Variants in PTPRD observed in about 807,000 individuals in gnomAD.
PTPRD encodes protein tyrosine phosphatase receptor type D.
PTPRD carries 34 observed loss-of-function variants against 214.5 expected under a neutral mutation model. The observed-to-expected ratio is 0.16, with a 90% CI of 0.12 to 0.21. The LOEUF (loss-of-function observed/expected upper bound fraction) is 0.21. Among genes scored for constraint, PTPRD ranks in the 10% least tolerant of loss-of-function variants. The pLI is 1.00. For missense variants in PTPRD, 2,545 were observed against 2,398.7 expected (o/e 1.06, Z -1.27); for synonymous variants, 1,128 against 845.7 (o/e 1.33, Z -5.79).
At chr9:9,030,276 CTTTTTTTTTTTT>C (rs71317396) in intron 10 of PTPRD, among the ~76,000 whole-genome samples, 1,747 of 37,958 alleles carry the variant, frequency 0.046, 70 homozygotes, top group African/African-American at 0.18. Context: ...CACACTTGGG[CTTTTTTTTTTTT>C]TTTTTTTTTT....
intron 2 of PTPRD, among the ~76,000 whole-genome samples, chr9:10,486,307 G>A (rs1228647482): frequency 6.6e-6 from 1 of 152,054 alleles, no homozygotes; most frequent in East Asian, 1.9e-4. Flanking sequence ...GGTTTTTATG[G>A]TTTTGGGTTT....
chr9:9,003,722 T>A (rs905448742), intron 11 of PTPRD, among the ~76,000 whole-genome samples: 3 of 152,048 alleles, frequency 2.0e-5, no homozygotes, highest in Admixed American at 2.0e-4. Context: ...AAATCTATTC[T>A]CCTTAATGCC....
intron 7 of PTPRD, among the ~76,000 whole-genome samples, chr9:9,690,509 G>C (rs1159983196): frequency 6.6e-6 from 1 of 151,622 alleles, no homozygotes; most frequent in Non-Finnish European, 1.5e-5. Flanking sequence ...TGTTTTTGTT[G>C]TCTGTGCTTT....
intron 3 of PTPRD, among the ~76,000 whole-genome samples, chr9:10,060,803 C>CTTTCTTTCTTTCTTTCTTTCTTCCTTT (rs1555531077): frequency 9.7e-6 from 1 of 103,232 alleles, no homozygotes; most frequent in African/African-American, 1.0e-4. Flanking sequence ...TTTCTTTCTT[C>CTTTCTTTCTTTCTTTCTTTCTTCCTTT]CTTTCTTTCT....
At chr9:9,540,862 A>C (rs1334433954) in intron 8 of PTPRD, among the ~76,000 whole-genome samples, 1 of 151,744 alleles carries the variant, frequency 6.6e-6, no homozygotes, top group African/African-American at 2.4e-5. Context: ...CATTGGTTCC[A>C]CTTACCGCTG....
chr9:8,716,207 T>C (rs982740329), intron 12 of PTPRD, among the ~76,000 whole-genome samples: 2 of 152,182 alleles, frequency 1.3e-5, no homozygotes, highest in Non-Finnish European at 2.9e-5. Context: ...CTCCCCACCC[T>C]TGGGCTAGGA....
chr9:10,439,343 G>C (rs969316690), intron 2 of PTPRD, among the ~76,000 whole-genome samples: 23 of 151,732 alleles, frequency 1.5e-4, no homozygotes, highest in African/African-American at 5.3e-4. Context: ...CTATCGTCAT[G>C]GCCAGCTGTG....
intron 14 of PTPRD, among the ~76,000 whole-genome samples, chr9:8,555,160 T>C (rs1328580839): frequency 6.6e-6 from 1 of 152,182 alleles, no homozygotes; most frequent in Non-Finnish European, 1.5e-5. Context: ...CTCATGCCTG[T>C]AATCACACCA....
At chr9:8,916,546 T>C (rs1016659353) in intron 11 of PTPRD, among the ~76,000 whole-genome samples, 2 of 152,176 alleles carry the variant, frequency 1.3e-5, no homozygotes, top group African/African-American at 2.4e-5. Flanking sequence ...GAGAGGCCTT[T>C]TAGAAAAGTT....
chr9:9,344,112 T>C (rs987081063), intron 9 of PTPRD, among the ~76,000 whole-genome samples: 4 of 152,198 alleles, frequency 2.6e-5, no homozygotes, highest in African/African-American at 7.2e-5. Flanking sequence ...TTTTGTTACA[T>C]TGGCATCAGA....
chr9:9,291,780 TATA>T lies in PTPRD; in HGVS notation c.-203+105666_-203+105668del, dbSNP rs200733929. Among the ~76,000 whole-genome samples, 1,105 of 115,326 alleles carry T rather than the reference TATA, an allele frequency of 9.6e-3. 12 individuals are homozygous for T. Among genetic ancestry groups the T allele is most frequent in the African/African-American group, 0.036 (1,056 of 29,586 alleles). The allele number at this position is 115,326 out of a possible 152,430, so 75.7% of individuals were successfully genotyped here. ...GAAGATTTATAAATTTAAAGATTCT[TATA>T]ATATTTTCTCTCTTTTTTTAGGTTT... is the stretch of plus-strand genomic sequence containing the variant. On this transcript the variant is annotated intron_variant, in intron 9 of 45. Coordinates refer to ENST00000381196, the MANE Select transcript of PTPRD (RefSeq NM_002839.4).
At chr9:10,044,271 C>G (rs2154145527) in intron 3 of PTPRD, among the ~76,000 whole-genome samples, 1 of 151,846 alleles carries the variant, frequency 6.6e-6, no homozygotes, top group South Asian at 2.1e-4. Context: ...TTGAATAATA[C>G]AGAGGACATA....
chr9:9,393,443 C>T (rs1027159846), intron 9 of PTPRD, among the ~76,000 whole-genome samples: 1 of 152,046 alleles, frequency 6.6e-6, no homozygotes, highest in African/African-American at 2.4e-5. Context: ...GAAGGTGACT[C>T]ACCATATAGA....
intron 5 of PTPRD, among the ~76,000 whole-genome samples, chr9:9,917,657 C>G (rs1224899468): frequency 6.6e-6 from 1 of 151,804 alleles, no homozygotes; most frequent in Non-Finnish European, 1.5e-5. Flanking sequence ...AAACTGCAAG[C>G]CAATAGCCTG....
At chr9:8,778,461 C>G (rs1383953837) in intron 11 of PTPRD, among the ~76,000 whole-genome samples, 1 of 152,126 alleles carries the variant, frequency 6.6e-6, no homozygotes, top group African/African-American at 2.4e-5. Context: ...ACAGAGCGAC[C>G]GTGTCTGGAC....
chr9:8,478,402 A>C (rs2096809556), intron 30 of PTPRD, among the ~76,000 whole-genome samples: 1 of 152,240 alleles, frequency 6.6e-6, no homozygotes, highest in Admixed American at 6.5e-5. Flanking sequence ...AGACCAAAGA[A>C]ATTGAAAATT....
At chr9:10,466,336 AT>A (rs1264046174) in intron 2 of PTPRD, among the ~76,000 whole-genome samples, 7 of 152,122 alleles carry the variant, frequency 4.6e-5, no homozygotes, top group Admixed American at 4.6e-4. Flanking sequence ...CATAAAAGAA[AT>A]TTTATGCCGG....
intron 4 of PTPRD, among the ~76,000 whole-genome samples, chr9:9,945,159 G>A (rs772503194): frequency 1.3e-5 from 2 of 152,140 alleles, no homozygotes; most frequent in Admixed American, 1.3e-4. Context: ...TACCAAGATA[G>A]TGGCTTGGAT....
At chr9:10,176,094 G>A (rs992201570) in intron 3 of PTPRD, among the ~76,000 whole-genome samples, 5 of 151,440 alleles carry the variant, frequency 3.3e-5, no homozygotes, top group Admixed American at 3.3e-4. Flanking sequence ...AAAAGCAAAG[G>A]TTTTTTTTCT....
Sources: gnomAD v4.1 joint callset for allele counts (sites outside exome capture counted in the v4.1 genomes callset) on GRCh38, gnomAD v4.1.1 for gene constraint, MANE v1.5 for transcripts, NCBI Gene and HGNC (gene_info 2026-07-23, HGNC 2026-07-21) for gene names.